PCDHA8: variants seen among roughly 807,000 people sequenced by gnomAD.
The protein encoded by PCDHA8 is protocadherin alpha-8.
A neutral mutation model predicts 61.8 loss-of-function variants in PCDHA8; 53 were observed. The ratio of observed to expected loss-of-function variants is 0.86; its 90% CI spans 0.69 to 1.08. The LOEUF is 1.08. PCDHA8 is among the 50% of genes least tolerant of loss of function. PCDHA8 has a pLI of 0.00. For synonymous variants in PCDHA8, 618 were observed against 556.6 expected, an observed-to-expected ratio of 1.11 and a Z score of -1.55; for missense variants, 1,293 against 1,245.0, an observed-to-expected ratio of 1.04 and a Z score of -0.58.
chr5:140,942,497 G>A (rs189402882), intron 1 of PCDHA8, among the ~76,000 whole-genome samples: 1 of 152,040 alleles, frequency 6.6e-6, no homozygotes, highest in Admixed American at 6.6e-5. Context: ...TAAATACATG[G>A]TATCTAGGAA....
intron 1 of PCDHA8, chr5:140,848,769 C>T: frequency 1.3e-6 from 2 of 1,593,410 alleles, no homozygotes; most frequent in Non-Finnish European, 1.7e-6. Flanking sequence ...TCGGATCGAC[C>T]GCGAGGAGCT....
rs1432649344 is a variant in PCDHA8, at chr5:140,870,194, C to T, written c.2394+26479C>T. ...CTCCCAGTACGAGAGGACGCTCAGC[C>T]CAGCACGGTCATTGCCCTGATCAGC... On this transcript the variant is annotated intron_variant, in intron 1 of 3. Transcript: ENST00000531613. 5.0e-6 allele frequency: 8 copies of T among 1,614,050 alleles called. No homozygotes were observed. Among genetic ancestry groups the T allele is most frequent in the Non-Finnish European group, 5.9e-6 (7 of 1,180,054 alleles).
At chr5:140,863,216 C>A (rs781920741) in intron 1 of PCDHA8, 5 of 1,084,226 alleles carry the variant, frequency 4.6e-6, no homozygotes, top group African/African-American at 1.6e-5. Context: ...AGCAGCCAAG[C>A]GAGGAAGGTC....
chr5:140,955,049 G>T (rs2095130069), intron 1 of PCDHA8, among the ~76,000 whole-genome samples: 1 of 152,130 alleles, frequency 6.6e-6, no homozygotes, highest in Admixed American at 6.6e-5. Context: ...CTCATTGCTT[G>T]TTTTTGTCAG....
In PCDHA8 at chr5:140,969,225, C is replaced by T. The variant is rs782766938; in HGVS notation, c.2395-9724C>T. 22 of 1,614,118 alleles carry T rather than the reference C, an allele frequency of 1.4e-5. No homozygotes were observed. Among genetic ancestry groups the T allele is most frequent in the East Asian group, 1.3e-4 (6 of 44,872 alleles). Reference sequence around the variant, plus strand: ...GGGGCCCAGACAGGACCAGGGCCTTCGGGAGCCCAAGCAGCAGTGACTGAC... The same window carrying T: ...GGGGCCCAGACAGGACCAGGGCCTTTGGGAGCCCAAGCAGCAGTGACTGAC... On this transcript the variant is annotated intron_variant, in intron 1 of 3. Coordinates refer to ENST00000531613, the MANE Select transcript of PCDHA8 (RefSeq NM_018911.3).
intron 1 of PCDHA8, chr5:140,848,760 C>T (rs2150419620): frequency 6.3e-7 from 1 of 1,593,332 alleles, no homozygotes; most frequent in South Asian, 1.1e-5. Context: ...TGTGAATTCT[C>T]GGATCGACCG....
At chr5:140,975,027 C>G (rs1235916815) in intron 1 of PCDHA8, among the ~76,000 whole-genome samples, 1 of 152,082 alleles carries the variant, frequency 6.6e-6, no homozygotes, top group Non-Finnish European at 1.5e-5. Flanking sequence ...GCTGTGTTGT[C>G]CTTTGCAGGC....
chr5:140,955,022 A>G (rs1468442096), intron 1 of PCDHA8, among the ~76,000 whole-genome samples: 2 of 152,182 alleles, frequency 1.3e-5, no homozygotes, highest in Non-Finnish European at 2.9e-5. Flanking sequence ...ACCATTTATT[A>G]AATAGGGAAT....
At chr5:140,877,490 G>T (rs2057160256) in intron 1 of PCDHA8, 2 of 1,613,718 alleles carry the variant, frequency 1.2e-6, no homozygotes, top group Non-Finnish European at 1.7e-6. Flanking sequence ...GTGGAGAACG[G>T]CCAGGCCCCA....
intron 1 of PCDHA8, among the ~76,000 whole-genome samples, chr5:140,939,155 G>C (rs1279259680): frequency 6.6e-6 from 1 of 152,196 alleles, no homozygotes; most frequent in Non-Finnish European, 1.5e-5. Flanking sequence ...GGTCCTGGCA[G>C]ATTTGTGTCT....
rs150205860 is a variant in PCDHA8 at position 140,883,142 on chromosome 5, G to T, written c.2394+39427G>T. The T allele has an allele frequency of 3.1e-6, 5 of 1,613,886 alleles. No individual in the cohort carries two copies. In the African/African-American group the frequency reaches 6.7e-5, roughly 22 times the overall value. On this transcript the variant is annotated intron_variant, in intron 1 of 3. Transcript: ENST00000531613. ...GCCTGTATGGCCTGCAGTGGTATAT[G>T]CATTTACCATAAATCCGAACAATGG...
In PCDHA8 at chr5:140,843,412, C is replaced by A; in HGVS notation, c.2091C>A (p.Asn697Lys). The stretch of plus-strand genomic sequence containing the variant: ...CGGAAGCGGCGCTGGTGGATGTCAA[C>A]GTGTACCTGATCATCGCCATCTGCG... ...LGPEAALVDV[N>K]VYLIIAICAV... Residue 697 changes from asparagine (N) to lysine (K), a missense_variant, in exon 1 of 4, where the codon AAC becomes AAA. Physicochemically the swap from Asn to Lys is moderately conservative, Grantham distance 94. Coordinates refer to ENST00000531613, the MANE Select transcript of PCDHA8 (RefSeq NM_018911.3). 1.9e-6 allele frequency: 3 copies of A among 1,596,066 alleles called. No individual in the cohort carries two copies. The highest frequency in any genetic ancestry group is 2.6e-6 in the Non-Finnish European group (3 of 1,165,584).
At chr5:140,870,611 T>C in intron 1 of PCDHA8, 1 of 1,613,258 alleles carries the variant, frequency 6.2e-7, no homozygotes, top group Non-Finnish European at 8.5e-7. Flanking sequence ...GACCGCGCGC[T>C]GTCGAGCTAC....
chr5:140,927,294 C>T (rs781944508), intron 1 of PCDHA8: 10 of 1,614,062 alleles, frequency 6.2e-6, no homozygotes, highest in South Asian at 3.3e-5. Context: ...TGCACATCCC[C>T]GAGTTCCTGA....
intron 1 of PCDHA8, among the ~76,000 whole-genome samples, chr5:140,905,211 G>A (rs1554191947): frequency 6.6e-6 from 1 of 152,130 alleles, no homozygotes; most frequent in Non-Finnish European, 1.5e-5. Flanking sequence ...GTTGATTTTT[G>A]TGTAAGGTGA....
chr5:140,845,560 A>G (rs2150379954), intron 1 of PCDHA8, among the ~76,000 whole-genome samples: 47 of 149,642 alleles, frequency 3.1e-4, no homozygotes, highest in African/African-American at 1.1e-3. Context: ...GCTTTTAGCT[A>G]TTAAGAATTT....
At chr5:140,929,250 G>A (rs995042103) in intron 1 of PCDHA8, 2 of 1,613,420 alleles carry the variant, frequency 1.2e-6, no homozygotes, top group Admixed American at 1.7e-5. Flanking sequence ...TTGCCACTGG[G>A]GTAGGACTGA....
At chr5:140,926,538 G>T (rs155362) in intron 1 of PCDHA8, 176,859 of 210,462 alleles carry the variant, frequency 0.84, 75,003 homozygotes, top group African/African-American at 0.96. Context: ...CAGCCAGCGT[G>T]GTGGTCGAGA....
At chr5:140,978,818 C>T in intron 1 of PCDHA8, 131 bp from the exon 2 acceptor site, 4 of 1,512,636 alleles carry the variant, frequency 2.6e-6, no homozygotes, top group Non-Finnish European at 3.5e-6. Flanking sequence ...TAGAGTTACA[C>T]ATGAAATGGC....
Sources: gnomAD v4.1 joint callset for allele counts (sites outside exome capture counted in the v4.1 genomes callset) on GRCh38, gnomAD v4.1.1 for gene constraint, MANE v1.5 for transcripts, NCBI Gene and HGNC (gene_info 2026-07-23, HGNC 2026-07-21) for gene names.